CTNNA3: variants seen among roughly 807,000 people sequenced by gnomAD.
CTNNA3 encodes the protein catenin alpha-3.
CTNNA3 carries 76 observed loss-of-function variants against 95.7 expected under a neutral mutation model. The ratio of observed to expected loss-of-function variants is 0.79; its 90% CI spans 0.66 to 0.96. CTNNA3 has a LOEUF of 0.96. Ranked by LOEUF, CTNNA3 falls within the 40% of genes least tolerant of loss-of-function variation. CTNNA3 has a pLI of 0.00. For missense variants in CTNNA3, 1,191 were observed against 1,089.8 expected, an observed-to-expected ratio of 1.09 and a Z score of -1.31; for synonymous variants, 431 against 374.4, an observed-to-expected ratio of 1.15 and a Z score of -1.74.
At chr10:66,329,971 C>T (rs2092304833) in intron 12 of CTNNA3, among the ~76,000 whole-genome samples, 1 of 151,914 alleles carries the variant, frequency 6.6e-6, no homozygotes, top group South Asian at 2.1e-4. Flanking sequence ...ATATTGCATG[C>T]TTGGTTAAAT....
At chr10:66,553,319 C>T (rs1449667964) in intron 10 of CTNNA3, among the ~76,000 whole-genome samples, 3 of 151,246 alleles carry the variant, frequency 2.0e-5, no homozygotes, top group Non-Finnish European at 4.4e-5. Flanking sequence ...TGTTGGCATA[C>T]ACTTTATACT....
chr10:67,485,738 T>A (rs960166329), intron 5 of CTNNA3, among the ~76,000 whole-genome samples: 2 of 152,160 alleles, frequency 1.3e-5, no homozygotes, highest in African/African-American at 2.4e-5. Context: ...TGCAGCACTT[T>A]CAGTCAGAGA....
At chr10:67,131,745 A>C (rs1860018526) in intron 7 of CTNNA3, among the ~76,000 whole-genome samples, 1 of 152,080 alleles carries the variant, frequency 6.6e-6, no homozygotes, top group African/African-American at 2.4e-5. Context: ...CAGAGGAAAA[A>C]AACATGTGGC....
chr10:66,941,436 A>T (rs1375762345), intron 7 of CTNNA3, among the ~76,000 whole-genome samples: 1 of 152,212 alleles, frequency 6.6e-6, no homozygotes, highest in Non-Finnish European at 1.5e-5. Flanking sequence ...TCTCAAGGTA[A>T]TTTTAAGTAA....
chr10:66,584,965 T>G (rs762827542), intron 10 of CTNNA3, among the ~76,000 whole-genome samples: 1 of 152,038 alleles, frequency 6.6e-6, no homozygotes, highest in East Asian at 1.9e-4. Flanking sequence ...GACACAAAAT[T>G]CTTGACCAAC....
At chr10:66,555,303 T>C (rs1842356051) in intron 10 of CTNNA3, among the ~76,000 whole-genome samples, 2 of 152,108 alleles carry the variant, frequency 1.3e-5, no homozygotes, top group Non-Finnish European at 2.9e-5. Context: ...GTTCTGTTCA[T>C]CCTCTCAACT....
intron 11 of CTNNA3, among the ~76,000 whole-genome samples, chr10:66,433,452 G>A (rs955752603): frequency 2.0e-5 from 3 of 152,144 alleles, no homozygotes; most frequent in Non-Finnish European, 4.4e-5. Context: ...CTTCTTTTGA[G>A]AAGTGTCTGT....
At chr10:67,284,940 C>T (rs1839538930) in intron 5 of CTNNA3, among the ~76,000 whole-genome samples, 1 of 152,044 alleles carries the variant, frequency 6.6e-6, no homozygotes, top group Non-Finnish European at 1.5e-5. Flanking sequence ...ATCCCCTCAC[C>T]CCCTGGGGGT....
chr10:67,199,526 C>T (rs1201148792), intron 6 of CTNNA3, among the ~76,000 whole-genome samples: 4 of 152,044 alleles, frequency 2.6e-5, no homozygotes, highest in East Asian at 1.9e-4. Flanking sequence ...CATGCCACCA[C>T]GCCTGGCTAA....
intron 5 of CTNNA3, among the ~76,000 whole-genome samples, chr10:67,237,142 A>ATATGTG (rs1865516889): frequency 1.5e-5 from 1 of 66,170 alleles, no homozygotes; most frequent in African/African-American, 1.0e-4. Context: ...ATATATATAT[A>ATATGTG]TATATATATA....
intron 11 of CTNNA3, among the ~76,000 whole-genome samples, chr10:66,423,784 G>A (rs888842718): frequency 6.6e-6 from 1 of 152,132 alleles, no homozygotes; most frequent in Non-Finnish European, 1.5e-5. Flanking sequence ...CACTGAAATC[G>A]GCCAGAAGCC....
chr10:66,793,463 A>C (rs1187871755), intron 7 of CTNNA3, among the ~76,000 whole-genome samples: 1 of 152,130 alleles, frequency 6.6e-6, no homozygotes, highest in Non-Finnish European at 1.5e-5. Context: ...TCCTACCATG[A>C]AACTGGCTTC....
chr10:66,253,440 G>A (rs1016357641), intron 13 of CTNNA3, among the ~76,000 whole-genome samples: 3 of 151,786 alleles, frequency 2.0e-5, no homozygotes, highest in African/African-American at 7.3e-5. Flanking sequence ...ACAAGCTTCT[G>A]TATGGCCACT....
At chr10:67,135,132 A>G (rs1024980108) in intron 7 of CTNNA3, among the ~76,000 whole-genome samples, 4 of 152,098 alleles carry the variant, frequency 2.6e-5, no homozygotes, top group African/African-American at 9.7e-5. Context: ...GGAAATATCT[A>G]GAGATACAGA....
intron 2 of CTNNA3, among the ~76,000 whole-genome samples, chr10:67,636,222 C>T (rs952900129): frequency 1.3e-5 from 2 of 152,076 alleles, no homozygotes; most frequent in Non-Finnish European, 2.9e-5. Flanking sequence ...GAATCAATGT[C>T]GTTAGAATGG....
Position 67,747,951 on chromosome 10 carries a change from C to T in CTNNA3, c.-2+15483G>A, listed in dbSNP as rs536585006. ...GAAGCTGAAAAACATAGCACGAGAACTTTGTGATACAAGTATCGATAGCTG... is the reference window on the plus strand; with the variant it reads ...GAAGCTGAAAAACATAGCACGAGAATTTTGTGATACAAGTATCGATAGCTG... On this transcript the variant is annotated intron_variant, in intron 1 of 17. Transcript: ENST00000684154. 4.0e-4 allele frequency among the ~76,000 whole-genome samples: 61 copies of T among 152,184 alleles called. 1 individual carries two copies. Among genetic ancestry groups the T allele is most frequent in the African/African-American group, 1.3e-3 (55 of 41,528 alleles).
chr10:67,024,946 C>A (rs1853262226), intron 7 of CTNNA3, among the ~76,000 whole-genome samples: 1 of 151,916 alleles, frequency 6.6e-6, no homozygotes, highest in Admixed American at 6.6e-5. Flanking sequence ...GCCTGACCAA[C>A]AAGAAGACAC....
At chr10:67,545,311 T>G (rs10997702) in intron 3 of CTNNA3, among the ~76,000 whole-genome samples, 14,473 of 152,146 alleles carry the variant, frequency 0.095, 1,306 homozygotes, top group African/African-American at 0.24. Context: ...AATAAACTTT[T>G]TATTCCTCTC....
At chr10:67,308,454 T>C (rs931451940) in intron 5 of CTNNA3, among the ~76,000 whole-genome samples, 2 of 152,212 alleles carry the variant, frequency 1.3e-5, no homozygotes, top group African/African-American at 4.8e-5. Flanking sequence ...CCTTCTGCCA[T>C]GATTGTAAGA....
Sources: allele counts gnomAD v4.1 joint callset (sites outside exome capture counted in the v4.1 genomes callset), GRCh38; gene constraint gnomAD v4.1.1; transcripts MANE v1.5; gene names NCBI Gene and HGNC (gene_info 2026-07-23, HGNC 2026-07-21).